Variants in METAP1 observed in about 807,000 individuals in gnomAD.
METAP1 encodes methionyl aminopeptidase 1, also known as methionine aminopeptidase 1.
In METAP1, 28 loss-of-function variants were observed where a neutral mutation model predicts 53.8. The observed-to-expected ratio is 0.52, with a 90% CI of 0.39 to 0.71. The LOEUF (loss-of-function observed/expected upper bound fraction) is 0.71. Ranked by LOEUF, METAP1 falls within the 30% of genes least tolerant of loss-of-function variation. METAP1 has a pLI of 0.00. For synonymous variants in METAP1, 181 were observed against 165.7 expected, an observed-to-expected ratio of 1.09 and a Z score of -0.71; for missense variants, 389 against 479.8, an observed-to-expected ratio of 0.81 and a Z score of 1.77.
chr4:99,025,911 A>G (rs1176602450), intron 1 of METAP1, among the ~76,000 whole-genome samples: 2 of 152,196 alleles, frequency 1.3e-5, no homozygotes, highest in Non-Finnish European at 2.9e-5. Flanking sequence ...TCTACAGATA[A>G]TAACACTTTC....
At chr4:99,045,788 G>A (rs938360909) in intron 8 of METAP1, among the ~76,000 whole-genome samples, 2 of 152,070 alleles carry the variant, frequency 1.3e-5, no homozygotes, top group Non-Finnish European at 2.9e-5. Context: ...ATGCACACAC[G>A]TATGTGTATG....
intron 9 of METAP1, among the ~76,000 whole-genome samples, chr4:99,053,793 C>T (rs1200070847): frequency 1.3e-5 from 2 of 152,026 alleles, no homozygotes; most frequent in Non-Finnish European, 2.9e-5. Flanking sequence ...AGCTCTTGGG[C>T]GACCAGGTGC....
intron 1 of METAP1, among the ~76,000 whole-genome samples, chr4:99,013,648 C>T (rs1723597294): frequency 6.6e-6 from 1 of 152,174 alleles, no homozygotes; most frequent in African/African-American, 2.4e-5. Context: ...ACCTCACACT[C>T]TAAACTTAAC....
intron 4 of METAP1, among the ~76,000 whole-genome samples, chr4:99,037,556 T>C (rs1423873493): frequency 6.6e-6 from 1 of 151,956 alleles, no homozygotes; most frequent in Non-Finnish European, 1.5e-5. Flanking sequence ...TCACCAGTTA[T>C]TTAAAAAATC....
rs2110377594 is a variant in METAP1 at position 99,043,522 on chromosome 4, C to T, written c.655+135C>T. 1.0e-5 allele frequency: 9 copies of T among 862,154 alleles called. 1 individual carries two copies. The East Asian group carries it at 2.1e-4, about 20-fold the overall frequency. 53.4% of individuals were successfully genotyped at this position (862,154 alleles called of 1,614,324 possible). ...CCTTTTTAAAATTCAGTATCACTAA[C>T]TCTTAAATCTACAGGAAGCTCTCTT... On this transcript the variant is annotated intron_variant, in intron 7 of 10. Coordinates refer to ENST00000296411, the MANE Select transcript of METAP1 (RefSeq NM_015143.3).
At chr4:99,028,796 T>G in intron 1 of METAP1, 71 bp from the exon 2 acceptor site, 1 of 1,108,778 alleles carries the variant, frequency 9.0e-7, no homozygotes, top group Non-Finnish European at 1.3e-6. Flanking sequence ...CTCTTGCTTA[T>G]ATACAATATT....
chr4:99,056,444 A>AC (rs1727124557), intron 9 of METAP1, among the ~76,000 whole-genome samples: 1 of 152,186 alleles, frequency 6.6e-6, no homozygotes, highest in Non-Finnish European at 1.5e-5. Flanking sequence ...ACATTAGTGA[A>AC]CTTGGACAAA....
intron 1 of METAP1, among the ~76,000 whole-genome samples, chr4:98,998,360 T>C (rs1722738437): frequency 6.6e-6 from 1 of 151,962 alleles, no homozygotes; most frequent in Non-Finnish European, 1.5e-5. Flanking sequence ...CTGTCTCTAC[T>C]AAAAATACAA....
intron 1 of METAP1, among the ~76,000 whole-genome samples, chr4:99,010,542 G>C (rs997553853): frequency 2.6e-5 from 4 of 152,130 alleles, no homozygotes; most frequent in African/African-American, 9.7e-5. Flanking sequence ...CTGTGTATCT[G>C]TTTTTATGCC....
chr4:99,007,534 T>C lies in METAP1; in HGVS notation c.114+11667T>C, dbSNP rs184981641. 3.8e-3 allele frequency among the ~76,000 whole-genome samples: 575 copies of C among 152,192 alleles called. 1 individual carries two copies. Among genetic ancestry groups the C allele is most frequent in the Non-Finnish European group, 5.9e-3 (403 of 67,992 alleles). ...GTGGAGGTTGCAAATGGTGATTTTC[T>C]CCCTAAGTCTGTCATTCAATAGCTG... On this transcript the variant is annotated intron_variant, in intron 1 of 10. Transcript: ENST00000296411.
Position 99,029,487 on chromosome 4 carries a change from C to G in METAP1, c.166+569C>G, listed in dbSNP as rs1724834147. Among the ~76,000 whole-genome samples, 4 of 152,110 alleles carry G rather than the reference C, an allele frequency of 2.6e-5. No individual in the cohort carries two copies. In the South Asian group the frequency reaches 8.3e-4, roughly 32 times the overall value. ...CTGATGTAGCTGAGATTCACATTGC[C>G]TTTTTTGCTCCAGCTAATTTATCCT... On this transcript the variant is annotated intron_variant, in intron 2 of 10. Coordinates refer to ENST00000296411, the MANE Select transcript of METAP1 (RefSeq NM_015143.3).
intron 1 of METAP1, chr4:98,997,535 C>T (rs1722695908): frequency 6.5e-6 from 1 of 154,650 alleles, no homozygotes; most frequent in Non-Finnish European, 1.5e-5. Context: ...TTGCTTTTGA[C>T]AGTTGTACCA....
chr4:99,049,083 G>T (rs1479858730), intron 9 of METAP1, among the ~76,000 whole-genome samples: 1 of 152,220 alleles, frequency 6.6e-6, no homozygotes, highest in African/African-American at 2.4e-5. Context: ...TTTGGTCACT[G>T]TGGGGGCAGG....
chr4:99,041,163 T>C (rs1051007188), intron 6 of METAP1, 37 bp downstream of exon 6: 2 of 1,362,780 alleles, frequency 1.5e-6, no homozygotes, highest in Non-Finnish European at 2.0e-6. Flanking sequence ...GTAATTTTGT[T>C]ACATTACTAG....
chr4:99,055,181 A>G (rs1471054075), intron 9 of METAP1, among the ~76,000 whole-genome samples: 1 of 152,130 alleles, frequency 6.6e-6, no homozygotes, highest in African/African-American at 2.4e-5. Flanking sequence ...ATTTGAGGTC[A>G]GGAGTTCTAG....
chr4:99,053,021 A>G (rs1391456136), intron 9 of METAP1, among the ~76,000 whole-genome samples: 1 of 152,210 alleles, frequency 6.6e-6, no homozygotes, highest in Non-Finnish European at 1.5e-5. Context: ...AAGTTTCATC[A>G]TGAGATTGCA....
intron 1 of METAP1, among the ~76,000 whole-genome samples, chr4:99,012,530 CT>C (rs1723529951): frequency 1.3e-5 from 2 of 152,044 alleles, no homozygotes; most frequent in African/African-American, 4.8e-5. Context: ...CCCGCTTGGC[CT>C]CCCAAAGTGC....
At chr4:99,015,636 C>T (rs1579255848) in intron 1 of METAP1, among the ~76,000 whole-genome samples, 1 of 152,212 alleles carries the variant, frequency 6.6e-6, no homozygotes, top group African/African-American at 2.4e-5. Context: ...AATGAAGAAG[C>T]GGCGTCTTGG....
intron 8 of METAP1, among the ~76,000 whole-genome samples, chr4:99,048,503 G>C (rs1474627302): frequency 6.6e-6 from 1 of 152,096 alleles, no homozygotes; most frequent in African/African-American, 2.4e-5. Context: ...AAATGTAGCT[G>C]GGACTATAGG....
Sources: gnomAD v4.1 joint callset for allele counts (sites outside exome capture counted in the v4.1 genomes callset) on GRCh38, gnomAD v4.1.1 for gene constraint, MANE v1.5 for transcripts, NCBI Gene and HGNC (gene_info 2026-07-23, HGNC 2026-07-21) for gene names.